Variants in GREM2 observed in about 807,000 individuals in gnomAD.
The protein encoded by GREM2 is gremlin-2.
A neutral mutation model predicts 14.2 loss-of-function variants in GREM2; 11 were observed. That is an observed-to-expected ratio of 0.78 (90% CI 0.49 to 1.28). GREM2 has a LOEUF of 1.28. Ranked by LOEUF, GREM2 falls within the 50% of genes most tolerant of loss-of-function variation. The pLI, the probability that GREM2 is intolerant of heterozygous loss-of-function variation, is 0.00. For missense variants in GREM2, 210 were observed against 218.5 expected, an observed-to-expected ratio of 0.96 and a Z score of 0.24; for synonymous variants, 98 against 97.6, an observed-to-expected ratio of 1.00 and a Z score of -0.02.
chr1:240,586,090 A>G (rs899005034), intron 1 of GREM2, among the ~76,000 whole-genome samples: 3 of 152,022 alleles, frequency 2.0e-5, no homozygotes, highest in African/African-American at 4.8e-5. Flanking sequence ...GACTTACTCT[A>G]GAAACTATTA....
chr1:240,572,081 C>T (rs1040279901), intron 1 of GREM2, among the ~76,000 whole-genome samples: 2 of 152,172 alleles, frequency 1.3e-5, no homozygotes, highest in Non-Finnish European at 2.9e-5. Context: ...TGACACTGAA[C>T]GAATGATAAA....
chr1:240,493,175 A>C lies in GREM2; in HGVS notation c.301T>G (p.Cys101Gly), dbSNP rs1233985965. The C allele has an allele frequency of 6.2e-7, 1 of 1,614,124 alleles. No homozygotes were observed. Residue 101 changes from cysteine (C) to glycine (G), a missense_variant, in exon 2 of 2, where the codon TGC (cysteine) becomes GGC (glycine). Cys to Gly is a radical substitution (Grantham distance 159, BLOSUM62 -3). Coordinates refer to ENST00000318160, the MANE Select transcript of GREM2 (RefSeq NM_022469.4). ...TILNRFCYGQ[C>G]NSFYIPRHVK... ...TGCCGCGGGATGTAGAAGGAGTTGC[A>C]CTGGCCGTAGCAGAAGCGGTTGAGG...
At chr1:240,578,261 G>C (rs1679409538) in intron 1 of GREM2, among the ~76,000 whole-genome samples, 1 of 152,042 alleles carries the variant, frequency 6.6e-6, no homozygotes. Context: ...GAGTAGCTGG[G>C]ACTACAGGCG....
intron 1 of GREM2, among the ~76,000 whole-genome samples, chr1:240,509,514 A>G (rs192403503): frequency 2.6e-5 from 4 of 152,126 alleles, no homozygotes; most frequent in South Asian, 4.1e-4. Context: ...GATTACAGGC[A>G]TGCACCAACA....
chr1:240,510,350 A>G (rs1452791683), intron 1 of GREM2, among the ~76,000 whole-genome samples: 3 of 120,356 alleles, frequency 2.5e-5, no homozygotes, highest in East Asian at 5.5e-4. Flanking sequence ...AGCCTGGGCG[A>G]CAGAGCGAGA....
intron 1 of GREM2, among the ~76,000 whole-genome samples, chr1:240,559,569 C>T (rs1416284779): frequency 6.6e-6 from 1 of 151,214 alleles, no homozygotes; most frequent in Admixed American, 6.6e-5. Context: ...GTCTTGAACT[C>T]CTGACCTTAG....
Position 240,491,715 on chromosome 1 carries a change from C to T in GREM2, c.*1254G>A, listed in dbSNP as rs3748535. 0.58 allele frequency: 88,040 copies of T among 152,532 alleles called. 25,785 individuals are homozygous for T. Among genetic ancestry groups the T allele is most frequent in the East Asian group, 0.81 (4,170 of 5,174 alleles). The allele number at this position is 152,532 out of a possible 1,614,324, so 9.4% of individuals were successfully genotyped here. On this transcript the variant is annotated 3_prime_UTR_variant, in exon 2 of 2. Coordinates refer to ENST00000318160, the MANE Select transcript of GREM2 (RefSeq NM_022469.4). The stretch of plus-strand genomic sequence containing the variant: ...ACTCCTTATATTTTTCAATATCCCT[C>T]TCTTTTTCTCTTTCTTTTAACAGGA...
chr1:240,554,228 T>C (rs1678910661), intron 1 of GREM2, among the ~76,000 whole-genome samples: 1 of 152,068 alleles, frequency 6.6e-6, no homozygotes, highest in East Asian at 1.9e-4. Flanking sequence ...CTGGCCAACA[T>C]GGTGAAGCCC....
chr1:240,511,778 G>C (rs1212336294), intron 1 of GREM2, among the ~76,000 whole-genome samples: 2 of 152,140 alleles, frequency 1.3e-5, no homozygotes, highest in African/African-American at 2.4e-5. Context: ...AAAGGGACTT[G>C]AGCGTCCGTG....
At chr1:240,563,782 A>C (rs2103354994) in intron 1 of GREM2, among the ~76,000 whole-genome samples, 1 of 152,150 alleles carries the variant, frequency 6.6e-6, no homozygotes, top group East Asian at 1.9e-4. Context: ...TGTTTCCTTT[A>C]ACCTTCCTTT....
intron 1 of GREM2, among the ~76,000 whole-genome samples, chr1:240,558,378 C>T (rs1157586532): frequency 2.0e-5 from 3 of 150,686 alleles, no homozygotes; most frequent in East Asian, 2.0e-4. Flanking sequence ...CAAAACTATG[C>T]GAAAACAATT....
intron 1 of GREM2, among the ~76,000 whole-genome samples, chr1:240,563,222 T>C (rs1044458069): frequency 6.6e-6 from 1 of 151,392 alleles, no homozygotes; most frequent in Admixed American, 6.6e-5. Context: ...TGTGTTTGAG[T>C]GTGCGTGAGA....
chr1:240,495,983 C>T (rs1331647411), intron 1 of GREM2, among the ~76,000 whole-genome samples: 1 of 151,660 alleles, frequency 6.6e-6, no homozygotes, highest in Non-Finnish European at 1.5e-5. Flanking sequence ...TGTCACCAGG[C>T]TGGAATGCAG....
intron 1 of GREM2, among the ~76,000 whole-genome samples, chr1:240,599,204 G>T (rs540090933): frequency 6.0e-5 from 9 of 150,894 alleles, no homozygotes; most frequent in South Asian, 2.1e-4. Flanking sequence ...GGAGGTGGAG[G>T]TTCCAGTGAG....
intron 1 of GREM2, among the ~76,000 whole-genome samples, chr1:240,574,948 A>G (rs1048217780): frequency 6.6e-6 from 1 of 152,018 alleles, no homozygotes; most frequent in African/African-American, 2.4e-5. Context: ...CTCTACTAAA[A>G]ATATAAAAAT....
chr1:240,555,615 T>A (rs1678941167), intron 1 of GREM2, among the ~76,000 whole-genome samples: 1 of 152,210 alleles, frequency 6.6e-6, no homozygotes, highest in Non-Finnish European at 1.5e-5. Flanking sequence ...GTGCATTAAC[T>A]AGTACTGAGT....
chr1:240,578,225 A>G (rs964114093), intron 1 of GREM2, among the ~76,000 whole-genome samples: 3 of 152,002 alleles, frequency 2.0e-5, no homozygotes, highest in Non-Finnish European at 4.4e-5. Flanking sequence ...TCCTGGGTTC[A>G]AGCTATTCTC....
intron 1 of GREM2, among the ~76,000 whole-genome samples, chr1:240,581,052 C>T (rs1030359544): frequency 1.3e-5 from 2 of 151,878 alleles, no homozygotes; most frequent in Non-Finnish European, 2.9e-5. Flanking sequence ...AAGTTCAGCA[C>T]CAGCCTGGAC....
intron 1 of GREM2, among the ~76,000 whole-genome samples, chr1:240,527,536 T>G (rs371481527): frequency 1.6e-4 from 24 of 152,170 alleles, no homozygotes; most frequent in Non-Finnish European, 3.1e-4. Context: ...GGAGAAAACA[T>G]TTTGAATGTA....
Sources: gnomAD v4.1 joint callset for allele counts (sites outside exome capture counted in the v4.1 genomes callset) on GRCh38, gnomAD v4.1.1 for gene constraint, MANE v1.5 for transcripts, NCBI Gene and HGNC (gene_info 2026-07-23, HGNC 2026-07-21) for gene names.